CAMK1: variants seen among roughly 807,000 people sequenced by gnomAD.
CAMK1 encodes calcium/calmodulin dependent protein kinase I, also known as calcium/calmodulin-dependent protein kinase type 1.
In CAMK1, 39 loss-of-function variants were observed where a neutral mutation model predicts 49.1. The ratio of observed to expected loss-of-function variants is 0.79; its 90% CI spans 0.62 to 1.04. The LOEUF (loss-of-function observed/expected upper bound fraction) is 1.04. Ranked by LOEUF, CAMK1 falls within the 50% of genes least tolerant of loss-of-function variation. CAMK1 has a pLI of 0.00. For missense variants in CAMK1, 457 were observed against 472.2 expected (o/e 0.97, Z 0.30); for synonymous variants, 192 against 185.2 (o/e 1.04, Z -0.30).
chr3:9,757,964 T>C lies in CAMK1; in HGVS notation c.913-118A>G. On this transcript the variant is annotated intron_variant, in intron 10 of 11. Coordinates refer to ENST00000256460, the MANE Select transcript of CAMK1 (RefSeq NM_003656.5). The surrounding 1 kb of genome is among the most constrained non-coding windows in gnomAD (Gnocchi z 4.5). ...TCTGTTATTTTCATTCAGGAGTTAT[T>C]TTATTAATTCCCCTAAAGCCCCCCA... 1 of 1,474,714 alleles carries C rather than the reference T, an allele frequency of 6.8e-7. No homozygotes were observed. The highest frequency in any genetic ancestry group is 9.0e-7 in the Non-Finnish European group (1 of 1,112,126). 91.4% of individuals were successfully genotyped at this position (1,474,714 alleles called of 1,614,324 possible).
chr3:9,761,609 C>T, intron 6 of CAMK1, 22 bp downstream of exon 6: 1 of 1,614,040 alleles, frequency 6.2e-7, no homozygotes, highest in Non-Finnish European at 8.5e-7. Flanking sequence ...CCATCACAGC[C>T]CCAGCCCAGG....
intron 7 of CAMK1, 77 bp downstream of exon 7, chr3:9,761,384 G>A: frequency 6.9e-7 from 1 of 1,450,604 alleles, no homozygotes; most frequent in South Asian, 1.3e-5. Flanking sequence ...CAGAGGGAGA[G>A]CAGAGGAAGG....
intron 7 of CAMK1, 142 bp from the exon 8 acceptor site, chr3:9,760,910 C>G: frequency 7.9e-7 from 1 of 1,265,154 alleles, no homozygotes; most frequent in African/African-American, 1.5e-5. Context: ...TGCCTGCTCA[C>G]TCCTGTTCTA....
intron 2 of CAMK1, 65 bp from the exon 3 acceptor site, chr3:9,765,955 C>T: frequency 6.2e-7 from 1 of 1,614,208 alleles, no homozygotes; most frequent in Non-Finnish European, 8.5e-7. Context: ...GCCTCTCCTC[C>T]ATTCCCTATG....
chr3:9,761,639 C>G lies in CAMK1; in HGVS notation c.548G>C (p.Gly183Ala), dbSNP rs767399471. The G allele has an allele frequency of 1.9e-6, 3 of 1,614,036 alleles. No individual in the cohort carries two copies. The highest frequency in any genetic ancestry group is 1.3e-5 in the African/African-American group (1 of 74,918). The change falls in exon 6 of 12, where the codon GGA (glycine) becomes GCA (alanine). Residue 183 changes from glycine to alanine, a missense_variant. By Grantham distance (60) the Gly-to-Ala change is moderately conservative. Coordinates refer to ENST00000256460, the MANE Select transcript of CAMK1 (RefSeq NM_003656.5). ...CCCAGGGCCCTCCGCACCCACGTATCCCGGAGTTCCACAGGCGGTGGAGAG... is the reference window on the plus strand; with the variant it reads ...CCCAGGGCCCTCCGCACCCACGTATGCCGGAGTTCCACAGGCGGTGGAGAG... ...SVLSTACGTPGYVAPEVLAQK... is the reference protein window; with the variant it reads ...SVLSTACGTPAYVAPEVLAQK...
intron 2 of CAMK1, chr3:9,766,269 T>C (rs2078148672): frequency 4.3e-6 from 3 of 704,592 alleles, no homozygotes; most frequent in Non-Finnish European, 7.7e-6. Flanking sequence ...TGGCCAAATA[T>C]ATTTCCTGAT....
rs553553229 is a variant in CAMK1, at chr3:9,767,534, A to G, written c.83+133T>C. ...CATCCAGAAGTGAAAAGCTGGGGAC[A>G]GTTTAGGCCCTAGATAGTGCTGCCA... is the stretch of plus-strand genomic sequence containing the variant. On this transcript the variant is annotated intron_variant, in intron 2 of 11. Transcript: ENST00000256460. 102 of 1,092,036 alleles carry G rather than the reference A, an allele frequency of 9.3e-5. No individual in the cohort carries two copies. The East Asian group carries it at 2.5e-3, about 27-fold the overall frequency. 67.6% of individuals were successfully genotyped at this position (1,092,036 alleles called of 1,614,324 possible). A position where few individuals can be genotyped will look rare whatever the true frequency, so the allele number is the denominator to read the frequency against.
Position 9,762,943 on chromosome 3 carries a change from C to T in CAMK1, c.400G>A (p.Asp134Asn), listed in dbSNP as rs1346883303. 6.2e-7 allele frequency: 1 copy of T among 1,614,160 alleles called. No individual in the cohort carries two copies. Among genetic ancestry groups the T allele is most frequent in the Non-Finnish European group, 8.5e-7 (1 of 1,180,022 alleles). ...AGATCCCGGTGTACAATGCCCAGGTCATGCAGGTATTTCACAGCATCCAGC... is the reference window on the plus strand; with the variant it reads ...AGATCCCGGTGTACAATGCCCAGGTTATGCAGGTATTTCACAGCATCCAGC... ...QVLDAVKYLH[D>N]LGIVHRDLKP... is the part of the protein sequence containing the mutation. The change falls in exon 5 of 12, where the codon GAC (aspartate) becomes AAC (asparagine). Residue 134 changes from aspartate (D) to asparagine (N), a missense_variant. Coordinates refer to ENST00000256460, the MANE Select transcript of CAMK1 (RefSeq NM_003656.5).
intron 3 of CAMK1, among the ~76,000 whole-genome samples, chr3:9,764,230 A>T (rs1227360164): frequency 6.6e-6 from 1 of 152,244 alleles, no homozygotes; most frequent in Admixed American, 6.5e-5. Context: ...TAATGCAGGT[A>T]AGGTGCTTGG....
At chr3:9,767,644 AC>A (rs776099695) in intron 2 of CAMK1, 22 bp downstream of exon 2, 5 of 1,613,386 alleles carry the variant, frequency 3.1e-6, no homozygotes, top group Non-Finnish European at 3.4e-6. Flanking sequence ...GCCATCCAGC[AC>A]CCAATCCTGC....
Position 9,763,188 on chromosome 3 carries a change from G to T in CAMK1, c.241C>A (p.Leu81Met). The change falls in exon 4 of 12, where the codon CTG becomes ATG. Residue 81 changes from leucine (L) to methionine (M), a missense_variant. Leu to Met is a conservative substitution (Grantham distance 15, BLOSUM62 2). Coordinates refer to ENST00000256460, the MANE Select transcript of CAMK1 (RefSeq NM_003656.5). The part of the protein sequence containing the change: ...HKIKHPNIVA[L>M]DDIYESGGHL... ...CCCCCACTCTCATAGATGTCATCCA[G>T]GGCTACAATGTTGGGGTGCTTGATC... 1 of 1,613,970 alleles carries T rather than the reference G, an allele frequency of 6.2e-7. No individual in the cohort carries two copies.
intron 3 of CAMK1, 172 bp from the exon 4 acceptor site, chr3:9,763,385 C>CA (rs2077982760): frequency 1.9e-5 from 3 of 159,328 alleles, no homozygotes; most frequent in Admixed American, 8.6e-5. Flanking sequence ...GCCTGGGCAA[C>CA]AGAGTAAGAC....
At chr3:9,761,409 G>A in intron 7 of CAMK1, 52 bp downstream of exon 7, 1 of 1,558,626 alleles carries the variant, frequency 6.4e-7, no homozygotes, top group East Asian at 2.3e-5. Flanking sequence ...GAGGAAAGTA[G>A]GCGAGAGGAC....
Position 9,757,829 on chromosome 3 carries a change from C to T in CAMK1, c.930G>A (p.Thr310=), listed in dbSNP as rs372117059. The T allele has an allele frequency of 3.3e-5, 53 of 1,607,766 alleles. No individual in the cohort carries two copies. The highest frequency in any genetic ancestry group is 1.7e-4 in the Admixed American group (10 of 59,856). The change falls in exon 11 of 12, where the codon ACG becomes ACA. Residue 310 remains threonine (T), a synonymous_variant. Transcript: ENST00000256460. This position sits in a 1 kb window ranked among gnomAD's most constrained non-coding sequence, Gnocchi z 4.5. ...GTTTCCTCATGTGCCGCACCACAGC[C>T]GTGGCATTGAAGGCTTGCTGGCATT... The part of the protein sequence containing the change: ...KSKWKQAFNA[T]AVVRHMRKLQ...
chr3:9,761,057 C>A, intron 7 of CAMK1: 2 of 411,062 alleles, frequency 4.9e-6, no homozygotes, highest in Non-Finnish European at 8.9e-6. Flanking sequence ...TCGGTCATCA[C>A]CTCCACAGCG....
At chr3:9,763,756 C>T (rs2078005039) in intron 3 of CAMK1, among the ~76,000 whole-genome samples, 1 of 152,172 alleles carries the variant, frequency 6.6e-6, no homozygotes, top group Admixed American at 6.5e-5. Context: ...GAGGCCAAGG[C>T]AGGCGGATCA....
At chr3:9,759,870 C>T in intron 8 of CAMK1, 120 bp from the exon 9 acceptor site, 3 of 1,551,298 alleles carry the variant, frequency 1.9e-6, no homozygotes, top group Middle Eastern at 1.7e-4. Flanking sequence ...CAAATCAGTC[C>T]ATGCCCCACC....
chr3:9,765,958 T>C lies in CAMK1; in HGVS notation c.84-68A>G, dbSNP rs778921865. On this transcript the variant is annotated intron_variant, in intron 2 of 11. Transcript: ENST00000256460. ...AGCTTCCCTCCAGCCTCTCCTCCAT[T>C]CCCTATGGGTTCTGTGACCACTGCT... is the stretch of plus-strand genomic sequence containing the variant. The C allele has an allele frequency of 3.7e-6, 6 of 1,613,892 alleles. No homozygotes were observed. In the Middle Eastern group the frequency reaches 8.2e-4, roughly 221 times the overall value.
At position 9,766,216 on chromosome 3, in the gene CAMK1, G is replaced by C. The variant is rs1231669489; in HGVS notation, c.84-326C>G. 7 of 733,090 alleles carry C rather than the reference G, an allele frequency of 9.5e-6. No individual in the cohort carries two copies. In the East Asian group the frequency reaches 1.3e-4, roughly 14 times the overall value. The allele number at this position is 733,090 out of a possible 1,614,324, so 45.4% of individuals were successfully genotyped here. A position where few individuals can be genotyped will look rare whatever the true frequency, so the allele number is the denominator to read the frequency against. ...CTTTGCCACCACCTGGGGAGAGCCT[G>C]CTTGGGAATGAAATTAACACAAAGG... On this transcript the variant is annotated intron_variant, in intron 2 of 11. Transcript: ENST00000256460.
Sources: gnomAD v4.1 joint callset for allele counts (sites outside exome capture counted in the v4.1 genomes callset) on GRCh38, gnomAD v4.1.1 for gene constraint, Gnocchi (gnomAD v3.1) non-coding constraint, MANE v1.5 for transcripts, NCBI Gene and HGNC (gene_info 2026-07-23, HGNC 2026-07-21) for gene names.